DENND4A: variants seen among roughly 807,000 people sequenced by gnomAD.
DENND4A encodes the protein C-myc promoter-binding protein.
DENND4A carries 70 observed loss-of-function variants against 199.3 expected under a neutral mutation model. That is an observed-to-expected ratio of 0.35 (90% confidence interval 0.29 to 0.43). The LOEUF (loss-of-function observed/expected upper bound fraction) is 0.43. Among genes scored for constraint, DENND4A ranks in the 20% least tolerant of loss-of-function variants. The pLI is 1.00. For missense variants in DENND4A, 1,723 were observed against 2,255.8 expected, an observed-to-expected ratio of 0.76 and a Z score of 4.78; for synonymous variants, 686 against 766.9, an observed-to-expected ratio of 0.89 and a Z score of 1.74.
At chr15:65,691,663 A>G (rs998604363) in intron 22 of DENND4A, among the ~76,000 whole-genome samples, 152 bp from the exon 23 acceptor site, 3 of 152,144 alleles carry the variant, frequency 2.0e-5, no homozygotes, top group Non-Finnish European at 2.9e-5. Context: ...CACTTTACTT[A>G]TATTTCCTAC....
chr15:65,675,698 C>T (rs2076352642), intron 24 of DENND4A, among the ~76,000 whole-genome samples: 1 of 152,114 alleles, frequency 6.6e-6, no homozygotes, highest in Non-Finnish European at 1.5e-5. Flanking sequence ...GAAATACATT[C>T]CTCACCTATC....
intron 14 of DENND4A, among the ~76,000 whole-genome samples, chr15:65,714,168 T>C (rs1397019061): frequency 6.6e-6 from 1 of 152,020 alleles, no homozygotes; most frequent in African/African-American, 2.4e-5. Context: ...TCCCAGCACT[T>C]TGGGAGGCCG....
intron 2 of DENND4A, among the ~76,000 whole-genome samples, chr15:65,758,161 A>G (rs575759291): frequency 6.6e-6 from 1 of 152,336 alleles, no homozygotes; most frequent in Non-Finnish European, 1.5e-5. Flanking sequence ...CTCAGCAGAT[A>G]TATCAAACAG....
intron 1 of DENND4A, among the ~76,000 whole-genome samples, chr15:65,767,022 CTT>C (rs765132488): frequency 3.9e-5 from 6 of 152,200 alleles, no homozygotes; most frequent in Admixed American, 2.6e-4. Flanking sequence ...ACAGATACCT[CTT>C]GTTTCCAGAC....
At chr15:65,770,542 T>G (rs2077100677) in intron 1 of DENND4A, among the ~76,000 whole-genome samples, 3 of 152,212 alleles carry the variant, frequency 2.0e-5, no homozygotes, top group Non-Finnish European at 4.4e-5. Flanking sequence ...AATGATATTC[T>G]ACATCAGTTC....
intron 4 of DENND4A, among the ~76,000 whole-genome samples, chr15:65,751,252 C>T (rs965866382): frequency 3.3e-5 from 5 of 152,114 alleles, no homozygotes; most frequent in African/African-American, 1.2e-4. Flanking sequence ...ACAGAGTTTA[C>T]AGAAGAACTG....
Position 65,664,367 on chromosome 15 carries a change from G to A in DENND4A, c.5550C>T (p.Leu1850=), listed in dbSNP as rs751549830. 1.1e-5 allele frequency: 18 copies of A among 1,601,914 alleles called. No homozygotes were observed. In the African/African-American group the frequency reaches 2.4e-4, roughly 22 times the overall value. The stretch of plus-strand genomic sequence containing the variant: ...TTTCTCTTCCCAGTGCCACAAGTGA[G>A]AGAAATAGTATTTCTCTGTATAAAC... The part of the protein sequence containing the change: ...QRSLYREILF[L]SLVALGRENI... The change falls in exon 32 of 33, where the codon CTC becomes CTT. Residue 1850 remains leucine (L), a synonymous_variant. Coordinates refer to ENST00000443035, the MANE Select transcript of DENND4A (RefSeq NM_001320835.1).
Position 65,701,029 on chromosome 15 carries a change from G to A in DENND4A, c.2701+22C>T, listed in dbSNP as rs756683161. 22 of 1,581,346 alleles carry A rather than the reference G, an allele frequency of 1.4e-5. 1 individual carries two copies. The highest frequency in any genetic ancestry group is 6.0e-5 in the South Asian group (5 of 83,098). On this transcript the variant is annotated intron_variant, in intron 19 of 32. Transcript: ENST00000443035. The stretch of plus-strand genomic sequence containing the variant: ...CTAATCAATTAATTTTGAAGAACAA[G>A]TAAAACACATACATCCCTTACCTGA...
chr15:65,752,367 T>A lies in DENND4A; in HGVS notation c.561+12A>T. ...CAGTGGTTAATGTTACCAGTGCAAG[T>A]AAGTCACTTACCATACTGTTATTGA... is the stretch of plus-strand genomic sequence containing the variant. On this transcript the variant is annotated intron_variant, in intron 4 of 32. Transcript: ENST00000443035. 6.8e-7 allele frequency: 1 copy of A among 1,473,010 alleles called. No homozygotes were observed. The highest frequency in any genetic ancestry group is 1.2e-5 in the South Asian group (1 of 82,514). The allele number at this position is 1,473,010 out of a possible 1,614,324, so 91.2% of individuals were successfully genotyped here. A position where few individuals can be genotyped will look rare whatever the true frequency, so the allele number is the denominator to read the frequency against.
intron 4 of DENND4A, among the ~76,000 whole-genome samples, chr15:65,745,291 T>G (rs2076359242): frequency 6.6e-6 from 1 of 152,194 alleles, no homozygotes; most frequent in Admixed American, 6.5e-5. Flanking sequence ...CTCTCTTATT[T>G]AAAACACACA....
At chr15:65,711,524 G>A (rs924040983) in intron 14 of DENND4A, among the ~76,000 whole-genome samples, 3 of 152,178 alleles carry the variant, frequency 2.0e-5, no homozygotes, top group African/African-American at 2.4e-5. Flanking sequence ...AAAAAAACCA[G>A]GTTTTCAAAG....
chr15:65,745,978 A>G (rs1016994462), intron 4 of DENND4A, among the ~76,000 whole-genome samples: 1 of 151,864 alleles, frequency 6.6e-6, no homozygotes, highest in Non-Finnish European at 1.5e-5. Flanking sequence ...TACCAAAAAA[A>G]AAAAATACAA....
intron 23 of DENND4A, among the ~76,000 whole-genome samples, chr15:65,681,625 G>A (rs1410904049): frequency 1.4e-5 from 2 of 147,758 alleles, no homozygotes; most frequent in Admixed American, 1.4e-4. Flanking sequence ...CAGCCAGGCT[G>A]GAGTACAGAC....
chr15:65,728,791 C>G (rs1430084840), intron 11 of DENND4A, among the ~76,000 whole-genome samples: 1 of 152,070 alleles, frequency 6.6e-6, no homozygotes. Context: ...GCCCGGCCCC[C>G]TTTGGCTAAA....
chr15:65,741,185 T>C (rs2076251759), intron 5 of DENND4A, among the ~76,000 whole-genome samples: 1 of 152,030 alleles, frequency 6.6e-6, no homozygotes, highest in Non-Finnish European at 1.5e-5. Flanking sequence ...CCGAAAAAAC[T>C]GGAACCACAG....
At chr15:65,712,521 T>G (rs1252720553) in intron 14 of DENND4A, among the ~76,000 whole-genome samples, 1 of 152,192 alleles carries the variant, frequency 6.6e-6, no homozygotes, top group Non-Finnish European at 1.5e-5. Flanking sequence ...ACAAGTATAA[T>G]AGTCAAGATT....
At chr15:65,709,495 C>G (rs1246859440) in intron 14 of DENND4A, among the ~76,000 whole-genome samples, 2 of 151,582 alleles carry the variant, frequency 1.3e-5, no homozygotes, top group Non-Finnish European at 1.5e-5. Context: ...CACCTGAGGT[C>G]GGGAGTTTGA....
chr15:65,696,394 A>C lies in DENND4A; in HGVS notation c.3054T>G (p.Ser1018Arg). 6.2e-7 allele frequency: 1 copy of C among 1,612,518 alleles called. No individual in the cohort carries two copies. The highest frequency in any genetic ancestry group is 8.5e-7 in the Non-Finnish European group (1 of 1,178,882). Reference protein sequence around the residue: ...IVRLTGTSNNSAGKISGESME... With the variant: ...IVRLTGTSNNRAGKISGESME... ...TGCTTTCTCCTGATATTTTACCAGC[A>C]CTGTTGTTACTTGTACCAGTGAGGC... is the stretch of plus-strand genomic sequence containing the variant. Residue 1018 changes from serine (S) to arginine (R), a missense_variant, in exon 22 of 33, where the codon AGT (serine) becomes AGG (arginine). Transcript: ENST00000443035.
rs2075809148 is a variant in DENND4A at position 65,660,148 on chromosome 15, A to G, written c.*1703T>C. ...TGAAGCTTGGATCTGAATAGTAAAG[A>G]ATAATATTGGAGTGGTATTTACAAA... On this transcript the variant is annotated 3_prime_UTR_variant, in exon 33 of 33. Transcript: ENST00000443035. 1 of 627,590 alleles carries G rather than the reference A, an allele frequency of 1.6e-6. No homozygotes were observed. The allele number at this position is 627,590 out of a possible 1,614,324, so 38.9% of individuals were successfully genotyped here.
Sources: gnomAD v4.1 joint callset for allele counts (sites outside exome capture counted in the v4.1 genomes callset) on GRCh38, gnomAD v4.1.1 for gene constraint, MANE v1.5 for transcripts, NCBI Gene and HGNC (gene_info 2026-07-23, HGNC 2026-07-21) for gene names.